Variants in MTHFD2L observed in about 807,000 individuals in gnomAD.
The protein encoded by MTHFD2L is bifunctional methylenetetrahydrofolate dehydrogenase/cyclohydrolase 2, mitochondrial.
MTHFD2L carries 29 observed loss-of-function variants against 34.9 expected under a neutral mutation model. That is an observed-to-expected ratio of 0.83 (90% CI 0.62 to 1.13). MTHFD2L has a LOEUF of 1.13. MTHFD2L is among the 50% of genes most tolerant of loss of function. The pLI is 0.00. For synonymous variants in MTHFD2L, 167 were observed against 155.7 expected, an observed-to-expected ratio of 1.07 and a Z score of -0.54; for missense variants, 481 against 446.5, an observed-to-expected ratio of 1.08 and a Z score of -0.70.
intron 6 of MTHFD2L, among the ~76,000 whole-genome samples, chr4:74,271,425 G>A (rs1745966944): frequency 6.6e-6 from 1 of 152,170 alleles, no homozygotes; most frequent in Admixed American, 6.5e-5. Context: ...TATTAAATAG[G>A]GAATCCTTTC....
At chr4:74,286,664 T>C (rs1199634768) in intron 7 of MTHFD2L, among the ~76,000 whole-genome samples, 2 of 152,220 alleles carry the variant, frequency 1.3e-5, no homozygotes, top group Non-Finnish European at 2.9e-5. Context: ...GGTGAATTCT[T>C]GGGCCTCATT....
intron 3 of MTHFD2L, among the ~76,000 whole-genome samples, chr4:74,182,278 A>C (rs1012683378): frequency 6.6e-6 from 1 of 152,162 alleles, no homozygotes; most frequent in Non-Finnish European, 1.5e-5. Context: ...TGAATCCTGT[A>C]GTTTTTCAGC....
chr4:74,181,084 T>C (rs1192214984), intron 3 of MTHFD2L, among the ~76,000 whole-genome samples: 1 of 152,064 alleles, frequency 6.6e-6, no homozygotes, highest in African/African-American at 2.4e-5. Flanking sequence ...ACTAGAATAA[T>C]AAAAGGGAAA....
At position 74,188,794 on chromosome 4, in the gene MTHFD2L, A is replaced by ATACATATGTATATATATGGG. The variant is rs755066834; in HGVS notation, c.452-10998_452-10997insCATATGTATATATATGGGTA. ...TATACATATGTATATATATATGGGT[A>ATACATATGTATATATATGGG]TATATATATGTGTATACATATGTAT... On this transcript the variant is annotated intron_variant, in intron 3 of 7. Transcript: ENST00000325278. Among the ~76,000 whole-genome samples, 103 of 119,916 alleles carry ATACATATGTATATATATGGG rather than the reference A, an allele frequency of 8.6e-4. 8 individuals are homozygous for ATACATATGTATATATATGGG. The highest frequency in any genetic ancestry group is 2.8e-3 in the African/African-American group (57 of 20,272). The allele number at this position is 119,916 out of a possible 152,430, so 78.7% of individuals were successfully genotyped here.
intron 1 of MTHFD2L, among the ~76,000 whole-genome samples, chr4:74,166,058 T>C (rs149112148): frequency 6.6e-6 from 1 of 152,364 alleles, no homozygotes; most frequent in Admixed American, 6.5e-5. Flanking sequence ...ACAAAAAATA[T>C]GAGTTCCATC....
rs10585551 is a variant in MTHFD2L at position 74,291,003 on chromosome 4, C to CTTTTTTTTTTT, written c.931+9475_931+9485dup. Among the ~76,000 whole-genome samples the CTTTTTTTTTTT allele has an allele frequency of 2.4e-3, 70 of 29,276 alleles. 19 individuals carry two copies. Among genetic ancestry groups the CTTTTTTTTTTT allele is most frequent in the Admixed American group, 4.2e-3 (6 of 1,432 alleles). The allele number at this position is 29,276 out of a possible 152,430, so 19.2% of individuals were successfully genotyped here. The stretch of plus-strand genomic sequence containing the variant: ...CTGTCTTACATTTATTTTTCCTTTT[C>CTTTTTTTTTTT]TTTTTTTTTTTTTTTTTTTTTTTTT... On this transcript the variant is annotated intron_variant, in intron 7 of 7. Transcript: ENST00000325278.
intron 5 of MTHFD2L, among the ~76,000 whole-genome samples, chr4:74,204,961 A>G (rs1471698158): frequency 6.6e-6 from 1 of 152,166 alleles, no homozygotes; most frequent in Non-Finnish European, 1.5e-5. Flanking sequence ...AAATATTCTC[A>G]TTTGAATGCA....
chr4:74,213,785 A>T (rs1736732606), intron 5 of MTHFD2L, among the ~76,000 whole-genome samples: 1 of 152,146 alleles, frequency 6.6e-6, no homozygotes, highest in South Asian at 2.1e-4. Context: ...CTCCTGGATA[A>T]TATCCTGAAG....
chr4:74,160,293 G>C (rs2109890317), intron 1 of MTHFD2L: 1 of 323,214 alleles, frequency 3.1e-6, no homozygotes, highest in East Asian at 8.4e-5. Context: ...GATATTGACT[G>C]TTTTAAATTA....
At chr4:74,214,661 G>T (rs542929293) in intron 5 of MTHFD2L, among the ~76,000 whole-genome samples, 5 of 151,952 alleles carry the variant, frequency 3.3e-5, no homozygotes, top group African/African-American at 1.2e-4. Context: ...GCTGCAAGGT[G>T]TCTCCCAGTC....
At position 74,267,942 on chromosome 4, in the gene MTHFD2L, C is replaced by T. The variant is rs1345682444; in HGVS notation, c.806-13483C>T. ...CCTGAGCTCTGTAAGGAACCTAGCA[C>T]CATCCTGGTACCACAAGGAATAGAA... On this transcript the variant is annotated intron_variant, in intron 6 of 7. Transcript: ENST00000325278. 5 of 985,136 alleles carry T rather than the reference C, an allele frequency of 5.1e-6. No homozygotes were observed. In the African/African-American group the frequency reaches 8.8e-5, roughly 17 times the overall value. The allele number at this position is 985,136 out of a possible 1,614,324, so 61.0% of individuals were successfully genotyped here.
intron 6 of MTHFD2L, among the ~76,000 whole-genome samples, chr4:74,260,019 T>C (rs1000470339): frequency 6.6e-6 from 1 of 152,168 alleles, no homozygotes; most frequent in South Asian, 2.1e-4. Flanking sequence ...TGGGCACTTA[T>C]GATCATGCTC....
intron 1 of MTHFD2L, among the ~76,000 whole-genome samples, chr4:74,151,464 G>A (rs1723937081): frequency 6.6e-6 from 1 of 152,170 alleles, no homozygotes; most frequent in Non-Finnish European, 1.5e-5. Flanking sequence ...AAGCACTGCA[G>A]TTAGAAGTGT....
intron 6 of MTHFD2L, among the ~76,000 whole-genome samples, chr4:74,251,929 TG>T (rs1232049329): frequency 2.8e-4 from 42 of 152,272 alleles, no homozygotes; most frequent in Admixed American, 2.7e-3. Flanking sequence ...TAAAAAGCAG[TG>T]GGGAACAAAT....
chr4:74,124,998 T>C (rs556119282), upstream of MTHFD2L, among the ~76,000 whole-genome samples: 1 of 152,288 alleles, frequency 6.6e-6, no homozygotes, highest in East Asian at 1.9e-4. Context: ...TGGTTAGTTT[T>C]AGCTATTGTG....
At chr4:74,139,606 G>A (rs1195795399) in intron 1 of MTHFD2L, among the ~76,000 whole-genome samples, 1 of 152,116 alleles carries the variant, frequency 6.6e-6, no homozygotes, top group Non-Finnish European at 1.5e-5. Context: ...GGCAGACTGG[G>A]AGGAAAGCAG....
chr4:74,269,751 A>G (rs2110243201), intron 6 of MTHFD2L, among the ~76,000 whole-genome samples: 1 of 152,244 alleles, frequency 6.6e-6, no homozygotes, highest in Admixed American at 6.5e-5. Flanking sequence ...CCAGTATGAT[A>G]TGAGTAGAAT....
Position 74,158,143 on chromosome 4 carries a change from C to G in MTHFD2L, c.5C>G (p.Thr2Arg), listed in dbSNP as rs776974524. 19 of 1,529,944 alleles carry G rather than the reference C, an allele frequency of 1.2e-5. No homozygotes were observed. In the South Asian group the frequency reaches 2.1e-4, roughly 17 times the overall value. 94.8% of individuals were successfully genotyped at this position (1,529,944 alleles called of 1,614,324 possible). Residue 2 changes from threonine to arginine, a missense_variant, in exon 1 of 8, where the codon ACG becomes AGG. Transcript: ENST00000325278. Reference protein sequence around the residue: MTVPVRGFSLLR... With the variant: MRVPVRGFSLLR... ...GGAAGCCGGGGATCCGCGGCCATGA[C>G]GGTGCCGGTCCGCGGCTTCTCGCTG...
chr4:74,254,110 T>C (rs1341908139), intron 6 of MTHFD2L, among the ~76,000 whole-genome samples: 1 of 152,054 alleles, frequency 6.6e-6, no homozygotes, highest in African/African-American at 2.4e-5. Context: ...GAGAACAAAA[T>C]GTGGGCAGAA....
Sources: allele counts gnomAD v4.1 joint callset (sites outside exome capture counted in the v4.1 genomes callset), GRCh38; gene constraint gnomAD v4.1.1; transcripts MANE v1.5; gene names NCBI Gene and HGNC (gene_info 2026-07-23, HGNC 2026-07-21).